The following PLCE1 variants were observed in gnomAD, a reference collection of about 807,000 sequenced individuals.
The protein encoded by PLCE1 is 1-phosphatidylinositol 4,5-bisphosphate phosphodiesterase epsilon-1.
In PLCE1, 119 loss-of-function variants were observed where a neutral mutation model predicts 242.8. That is an observed-to-expected ratio of 0.49 (90% CI 0.42 to 0.57). PLCE1 has a LOEUF of 0.57. PLCE1 is among the 20% of genes least tolerant of loss of function. PLCE1 has a pLI of 0.00. For missense variants in PLCE1, 2,441 were observed against 2,788.8 expected (o/e 0.88, Z 2.81); for synonymous variants, 945 against 1,017.4 (o/e 0.93, Z 1.35).
At chr10:94,234,681 AG>A (rs906729860) in intron 6 of PLCE1, among the ~76,000 whole-genome samples, 3 of 152,322 alleles carry the variant, frequency 2.0e-5, no homozygotes, top group Non-Finnish European at 1.5e-5. Flanking sequence ...CATCAGTGGA[AG>A]AAAAAAGAGG....
intron 1 of PLCE1, among the ~76,000 whole-genome samples, chr10:94,024,928 A>G (rs2061430988): frequency 6.6e-6 from 1 of 152,022 alleles, no homozygotes; most frequent in South Asian, 2.1e-4. Context: ...TACTACCCCC[A>G]CCTTTTTAGT....
chr10:94,022,435 CTA>C (rs758887846), intron 1 of PLCE1, among the ~76,000 whole-genome samples: 20 of 151,588 alleles, frequency 1.3e-4, no homozygotes, highest in Non-Finnish European at 2.8e-4. Context: ...ATATGTCTGT[CTA>C]TGTGTGTATA....
chr10:94,155,066 A>G (rs2047388143), intron 3 of PLCE1, among the ~76,000 whole-genome samples: 1 of 152,050 alleles, frequency 6.6e-6, no homozygotes, highest in South Asian at 2.1e-4. Flanking sequence ...CCTGTAGGAA[A>G]CAATTGGAAT....
chr10:94,253,999 G>A (rs1304802790), intron 9 of PLCE1, among the ~76,000 whole-genome samples, 191 bp from the exon 10 acceptor site: 1 of 152,168 alleles, frequency 6.6e-6, no homozygotes, highest in Non-Finnish European at 1.5e-5. Flanking sequence ...GAGTACTGCT[G>A]TATAGTAAAG....
chr10:94,134,112 T>C (rs1221441733), intron 3 of PLCE1, among the ~76,000 whole-genome samples: 1 of 151,538 alleles, frequency 6.6e-6, no homozygotes, highest in Non-Finnish European at 1.5e-5. Flanking sequence ...TTTTTTTTTT[T>C]CTTTTTGAGA....
chr10:94,007,645 G>T (rs1589844978), intron 1 of PLCE1, among the ~76,000 whole-genome samples: 30 of 92,362 alleles, frequency 3.2e-4, no homozygotes, highest in East Asian at 2.5e-3. Context: ...TCTAAATAAT[G>T]TAAACTGCAT....
At chr10:94,313,123 ACAAATGGACTCT>A in intron 27 of PLCE1, 119 bp from the exon 28 acceptor site, 2 of 1,027,332 alleles carry the variant, frequency 1.9e-6, no homozygotes, top group South Asian at 2.7e-5. Flanking sequence ...GCACTAGGCT[ACAAATGGACTCT>A]CATCTTTTGC....
chr10:94,082,151 G>A (rs1446831942), intron 2 of PLCE1: 3 of 152,158 alleles, frequency 2.0e-5, no homozygotes, highest in Admixed American at 6.5e-5. Context: ...TAACTGCAAT[G>A]CCTTCCTTCC....
chr10:93,998,523 A>T (rs2060873295), intron 1 of PLCE1, among the ~76,000 whole-genome samples: 1 of 152,232 alleles, frequency 6.6e-6, no homozygotes. Flanking sequence ...TTTACCTAGT[A>T]CAACCTTGGA....
intron 3 of PLCE1, among the ~76,000 whole-genome samples, chr10:94,163,448 A>G (rs1351066709): frequency 1.3e-5 from 2 of 152,114 alleles, no homozygotes; most frequent in African/African-American, 4.8e-5. Flanking sequence ...GTTGGTCTAA[A>G]GTCTGTTTTA....
intron 4 of PLCE1, among the ~76,000 whole-genome samples, chr10:94,186,613 T>C (rs2048486723): frequency 6.6e-6 from 1 of 152,240 alleles, no homozygotes; most frequent in African/African-American, 2.4e-5. Context: ...GAAAGCCTTA[T>C]GGCATGTCAC....
intron 29 of PLCE1, among the ~76,000 whole-genome samples, chr10:94,319,921 G>A (rs962981246): frequency 2.1e-5 from 3 of 141,486 alleles, no homozygotes; most frequent in Non-Finnish European, 4.5e-5. Context: ...CCAGGCTGGA[G>A]TGCAGTGGCG....
At chr10:94,247,605 G>C (rs777373871) in intron 8 of PLCE1, among the ~76,000 whole-genome samples, 2 of 152,124 alleles carry the variant, frequency 1.3e-5, no homozygotes, top group African/African-American at 2.4e-5. Context: ...TAGAGGTGAG[G>C]GGTTAATTTC....
chr10:94,224,762 G>A (rs1442649249), intron 4 of PLCE1, among the ~76,000 whole-genome samples: 1 of 152,240 alleles, frequency 6.6e-6, no homozygotes, highest in African/African-American at 2.4e-5. Context: ...GTCTCTGTTA[G>A]CAAAATAATT....
intron 1 of PLCE1, among the ~76,000 whole-genome samples, chr10:94,017,729 A>G (rs750032093): frequency 6.6e-6 from 1 of 152,196 alleles, no homozygotes; most frequent in Non-Finnish European, 1.5e-5. Context: ...CCCATCTGCT[A>G]CGGCTTTGTG....
At chr10:94,109,852 GTT>G (rs558058616) in intron 2 of PLCE1, among the ~76,000 whole-genome samples, 41 of 137,482 alleles carry the variant, frequency 3.0e-4, no homozygotes, top group African/African-American at 9.3e-4. Flanking sequence ...GCTCTGGGAT[GTT>G]TTTTTTTTTT....
chr10:94,029,715 A>G (rs756545967), intron 1 of PLCE1, among the ~76,000 whole-genome samples: 22 of 152,134 alleles, frequency 1.4e-4, no homozygotes, highest in Non-Finnish European at 3.2e-4. Context: ...ATTAAGGGGT[A>G]GTTGATGACT....
chr10:94,029,291 G>C (rs548917147), intron 1 of PLCE1, among the ~76,000 whole-genome samples: 9 of 152,138 alleles, frequency 5.9e-5, no homozygotes, highest in African/African-American at 2.2e-4. Flanking sequence ...AAATAGAGCA[G>C]ATATTTGAAT....
chr10:94,277,331 A>C (rs964632941), intron 19 of PLCE1, among the ~76,000 whole-genome samples: 1 of 152,190 alleles, frequency 6.6e-6, no homozygotes, highest in African/African-American at 2.4e-5. Context: ...TATGAGGGCC[A>C]GTCTCCTCAT....
Sources: gnomAD v4.1 joint callset for allele counts (sites outside exome capture counted in the v4.1 genomes callset) on GRCh38, gnomAD v4.1.1 for gene constraint, MANE v1.5 for transcripts, NCBI Gene and HGNC (gene_info 2026-07-23, HGNC 2026-07-21) for gene names.